The following IL2RB variants were observed in gnomAD, a reference collection of about 807,000 sequenced individuals.
The protein encoded by IL2RB is interleukin-2 receptor subunit beta.
A neutral mutation model predicts 44.2 loss-of-function variants in IL2RB; 17 were observed. That is an observed-to-expected ratio of 0.38 (90% CI 0.26 to 0.58). The LOEUF is 0.58. Among genes scored for constraint, IL2RB ranks in the 20% least tolerant of loss-of-function variants. The pLI is 0.63. For missense variants in IL2RB, 624 were observed against 685.5 expected (o/e 0.91, Z 1.00); for synonymous variants, 286 against 297.9 (o/e 0.96, Z 0.41).
chr22:37,147,857 C>G (rs1159394183), intron 1 of IL2RB, among the ~76,000 whole-genome samples: 1 of 152,248 alleles, frequency 6.6e-6, no homozygotes, highest in Admixed American at 6.5e-5. Flanking sequence ...GCAGAGGGCA[C>G]AGGGTTGGGA....
rs772919702 is a variant in IL2RB, at chr22:37,133,640, C to G, written c.819-1172G>C. ...GAAGTGTCACCTCCTCACCGCTTTG[C>G]CCTCCACCAGGCCACGCTCCACACA... On this transcript the variant is annotated intron_variant, in intron 8 of 9. Transcript: ENST00000216223. Among the ~76,000 whole-genome samples, 53 of 152,202 alleles carry G rather than the reference C, an allele frequency of 3.5e-4. 1 individual carries two copies. Among genetic ancestry groups the G allele is most frequent in the Non-Finnish European group, 2.9e-5 (2 of 68,042 alleles).
chr22:37,158,480 C>T (rs1264902896), intron 1 of IL2RB, among the ~76,000 whole-genome samples: 2 of 152,150 alleles, frequency 1.3e-5, no homozygotes, highest in African/African-American at 4.8e-5. Context: ...ATCACTTGAA[C>T]CCGGGAGGCA....
At chr22:37,162,241 G>A (rs1005597720) in intron 1 of IL2RB, among the ~76,000 whole-genome samples, 2 of 152,202 alleles carry the variant, frequency 1.3e-5, no homozygotes, top group African/African-American at 4.8e-5. Context: ...TCTGTCTGCG[G>A]GGCCTTGGAG....
At chr22:37,143,984 C>G in intron 2 of IL2RB, 101 bp downstream of exon 2, 1 of 1,512,910 alleles carries the variant, frequency 6.6e-7, no homozygotes, top group South Asian at 1.2e-5. Context: ...GAGGTGGACA[C>G]CTGGTCTCTG....
chr22:37,142,544 C>G, intron 3 of IL2RB, 32 bp from the exon 4 acceptor site: 2 of 1,601,516 alleles, frequency 1.2e-6, no homozygotes, highest in Non-Finnish European at 1.7e-6. Flanking sequence ...TTTAGAAGAA[C>G]AGGAAGGACC....
chr22:37,128,577 G>C lies in IL2RB; in HGVS notation c.1175C>G (p.Pro392Arg), dbSNP rs1319199222. 4 of 1,613,942 alleles carry C rather than the reference G, an allele frequency of 2.5e-6. No individual in the cohort carries two copies. Among genetic ancestry groups the C allele is most frequent in the Admixed American group, 3.3e-5 (2 of 60,002 alleles). Reference protein sequence around the residue: ...FTYDPYSEEDPDEGVAGAPTG... With the variant: ...FTYDPYSEEDRDEGVAGAPTG... ...GGGTGCCCCGGCCACACCCTCATCA[G>C]GGTCTTCCTCTGAGTAGGGGTCGTA... Residue 392 changes from proline to arginine, a missense_variant, in exon 10 of 10, where the codon CCT (proline) becomes CGT (arginine). Pro to Arg is a moderately radical substitution (Grantham distance 103). Around this residue, in one of 3 missense-constraint regions of IL2RB, gnomAD observed 291 missense variants for 275.5 expected, o/e 1.06. Coordinates refer to ENST00000216223, the MANE Select transcript of IL2RB (RefSeq NM_000878.5). This position sits in a 1 kb window ranked among gnomAD's most constrained non-coding sequence, Gnocchi z 4.5.
At chr22:37,161,473 G>C (rs563172666) in intron 1 of IL2RB, among the ~76,000 whole-genome samples, 1 of 152,128 alleles carries the variant, frequency 6.6e-6, no homozygotes, top group Non-Finnish European at 1.5e-5. Flanking sequence ...CTTGCAGCTG[G>C]GACATAGGCA....
Position 37,128,616 on chromosome 22 carries a change from T to C in IL2RB, c.1136A>G (p.Gln379Arg). 6.2e-7 allele frequency: 1 copy of C among 1,614,086 alleles called. No homozygotes were observed. Among genetic ancestry groups the C allele is most frequent in the Non-Finnish European group, 8.5e-7 (1 of 1,179,976 alleles). ...LPDALEIEAC[Q>R]VYFTYDPYSE... ...GTAGGGGTCGTAAGTAAAGTACACC[T>C]GGCAGGCCTCTATCTCCAAGGCATC... is the stretch of plus-strand genomic sequence containing the variant. Residue 379 changes from glutamine (Q) to arginine (R), a missense_variant, in exon 10 of 10, where the codon CAG becomes CGG. Gln to Arg is a conservative substitution (Grantham distance 43). Coordinates refer to ENST00000216223, the MANE Select transcript of IL2RB (RefSeq NM_000878.5). This position sits in a 1 kb window ranked among gnomAD's most constrained non-coding sequence, Gnocchi z 4.5.
upstream of IL2RB, among the ~76,000 whole-genome samples, chr22:37,152,049 C>G (rs147335317): frequency 2.0e-4 from 30 of 152,274 alleles, no homozygotes; most frequent in African/African-American, 7.0e-4. Flanking sequence ...TTTGGCTACT[C>G]TGCATCTTTT....
At chr22:37,150,618 A>G (rs1285063199), upstream of IL2RB, among the ~76,000 whole-genome samples, 1 of 152,208 alleles carries the variant, frequency 6.6e-6, no homozygotes, top group Non-Finnish European at 1.5e-5. Flanking sequence ...TTTTAAATGT[A>G]CAATAAATTA....
At chr22:37,163,682 C>A (rs1373849859) in intron 1 of IL2RB, among the ~76,000 whole-genome samples, 1 of 152,256 alleles carries the variant, frequency 6.6e-6, no homozygotes, top group African/African-American at 2.4e-5. Flanking sequence ...TGAGGCCCCC[C>A]ATTCGGGGGA....
intron 1 of IL2RB, among the ~76,000 whole-genome samples, chr22:37,165,130 G>A (rs1053100533): frequency 7.2e-5 from 11 of 152,214 alleles, no homozygotes; most frequent in East Asian, 1.9e-4. Context: ...ACTGAGGCAC[G>A]GGGAGGTTAA....
intron 1 of IL2RB, among the ~76,000 whole-genome samples, chr22:37,146,092 C>A (rs1426720338): frequency 1.3e-5 from 2 of 152,176 alleles, no homozygotes; most frequent in East Asian, 3.9e-4. Context: ...CTGTACCCTT[C>A]CTATTCCAGG....
intron 1 of IL2RB, among the ~76,000 whole-genome samples, chr22:37,164,774 A>C (rs1456769105): frequency 1.3e-5 from 2 of 152,134 alleles, no homozygotes; most frequent in African/African-American, 4.8e-5. Flanking sequence ...CAGAGGGCAG[A>C]ATGCTACAGA....
chr22:37,170,543 G>T (rs972057785), intron 1 of IL2RB, among the ~76,000 whole-genome samples: 2 of 152,148 alleles, frequency 1.3e-5, no homozygotes, highest in Admixed American at 1.3e-4. Context: ...GCCTCTTGGG[G>T]GTGGACAGTC....
chr22:37,136,469 C>CCG (rs1194834357), intron 6 of IL2RB, 76 bp from the exon 7 acceptor site: 21 of 1,440,912 alleles, frequency 1.5e-5, no homozygotes, highest in East Asian at 2.5e-5. Context: ...TCACAGAACC[C>CCG]CCCCCCAACC....
At chr22:37,162,591 C>A (rs902706901) in intron 1 of IL2RB, among the ~76,000 whole-genome samples, 5 of 152,172 alleles carry the variant, frequency 3.3e-5, no homozygotes, top group Non-Finnish European at 5.9e-5. Context: ...TGGTGAGTGG[C>A]TGGTTTCACT....
chr22:37,171,853 A>C (rs1426519910), intron 1 of IL2RB, among the ~76,000 whole-genome samples: 1 of 152,198 alleles, frequency 6.6e-6, no homozygotes, highest in African/African-American at 2.4e-5. Context: ...ACTCCTACAC[A>C]GCCTTCAAGA....
At chr22:37,130,306 C>T (rs373606720) in intron 9 of IL2RB, among the ~76,000 whole-genome samples, 9 of 152,316 alleles carry the variant, frequency 5.9e-5, no homozygotes, top group East Asian at 3.9e-4. Context: ...TGGCCAGTGC[C>T]GGTGAGCCAG....
Sources: allele counts gnomAD v4.1 joint callset (sites outside exome capture counted in the v4.1 genomes callset), GRCh38; gene constraint gnomAD v4.1.1; regional missense constraint gnomAD v4.1.1; non-coding constraint Gnocchi (gnomAD v3.1); transcripts MANE v1.5; gene names NCBI Gene and HGNC (gene_info 2026-07-23, HGNC 2026-07-21).